PARVA: variants seen among roughly 807,000 people sequenced by gnomAD.
PARVA encodes the protein parvin alpha.
Under a neutral mutation model 52.6 loss-of-function variants are expected in PARVA, and 25 were observed. That is an observed-to-expected ratio of 0.48 (90% confidence interval 0.35 to 0.66). The LOEUF is 0.66. Among genes scored for constraint, PARVA ranks in the 30% least tolerant of loss-of-function variants. The probability of loss-of-function intolerance (pLI) is 0.01; values close to 1 mark genes in which losing one functional copy is unlikely to be tolerated. For missense variants in PARVA, 373 were observed against 450.9 expected, an observed-to-expected ratio of 0.83 and a Z score of 1.56; for synonymous variants, 185 against 179.1, an observed-to-expected ratio of 1.03 and a Z score of -0.26.
intron 1 of PARVA, among the ~76,000 whole-genome samples, chr11:12,386,582 C>T (rs533166259): frequency 6.6e-6 from 1 of 152,260 alleles, no homozygotes; most frequent in South Asian, 2.1e-4. Context: ...CTCTTGCCTA[C>T]CATAATATCA....
At chr11:12,448,596 C>G (rs938904520) in intron 1 of PARVA, among the ~76,000 whole-genome samples, 1 of 152,188 alleles carries the variant, frequency 6.6e-6, no homozygotes, top group Non-Finnish European at 1.5e-5. Flanking sequence ...TGGATTAGAA[C>G]TGTCGTTTAT....
At chr11:12,417,975 GC>G (rs1340512525) in intron 1 of PARVA, among the ~76,000 whole-genome samples, 1 of 152,206 alleles carries the variant, frequency 6.6e-6, no homozygotes, top group African/African-American at 2.4e-5. Flanking sequence ...GATGCAGAGT[GC>G]CTGTAGGCCA....
chr11:12,459,406 A>G lies in PARVA; in HGVS notation c.137-14339A>G, dbSNP rs933921. 7.6e-3 allele frequency among the ~76,000 whole-genome samples: 1,144 copies of G among 150,860 alleles called. 15 individuals carry two copies. Among genetic ancestry groups the G allele is most frequent in the African/African-American group, 0.022 (927 of 41,256 alleles). On this transcript the variant is annotated intron_variant, in intron 1 of 12. Transcript: ENST00000334956. Reference sequence around the variant, plus strand: ...GGTAACAGAGAGAGACCCTGTCTCAAAAAAAAAAGAAAAAGAGAAGAAAGA... The same window carrying G: ...GGTAACAGAGAGAGACCCTGTCTCAGAAAAAAAAGAAAAAGAGAAGAAAGA...
intron 4 of PARVA, among the ~76,000 whole-genome samples, chr11:12,487,140 G>A (rs1248755314): frequency 6.6e-6 from 1 of 152,182 alleles, no homozygotes; most frequent in African/African-American, 2.4e-5. Flanking sequence ...AGGGAGAGTA[G>A]CTAGAGTAAA....
At chr11:12,502,390 G>T (rs1941373491) in intron 5 of PARVA, among the ~76,000 whole-genome samples, 1 of 151,636 alleles carries the variant, frequency 6.6e-6, no homozygotes, top group South Asian at 2.1e-4. Flanking sequence ...CCTAGTGCAT[G>T]CGAAGTACAC....
chr11:12,458,200 G>A (rs936792735), intron 1 of PARVA, among the ~76,000 whole-genome samples: 4 of 152,200 alleles, frequency 2.6e-5, no homozygotes, highest in East Asian at 1.9e-4. Flanking sequence ...CTTCAGCCCC[G>A]TTCCCAGGAA....
chr11:12,438,045 T>G (rs1173406903), intron 1 of PARVA, among the ~76,000 whole-genome samples: 4 of 151,958 alleles, frequency 2.6e-5, no homozygotes, highest in Admixed American at 1.3e-4. Context: ...TGGATCACGA[T>G]GTCAGGAGAT....
At chr11:12,382,794 C>T (rs1258264420) in intron 1 of PARVA, among the ~76,000 whole-genome samples, 1 of 152,196 alleles carries the variant, frequency 6.6e-6, no homozygotes, top group African/African-American at 2.4e-5. Flanking sequence ...CCCTGTAAGC[C>T]TCTGTGTCTT....
intron 12 of PARVA, among the ~76,000 whole-genome samples, chr11:12,518,858 C>A (rs1052610171): frequency 6.6e-6 from 1 of 152,192 alleles, no homozygotes; most frequent in Non-Finnish European, 1.5e-5. Context: ...CCCCGCCAGT[C>A]GGGGTGAAGG....
intron 1 of PARVA, among the ~76,000 whole-genome samples, chr11:12,435,856 C>T (rs1330411704): frequency 3.3e-5 from 5 of 152,076 alleles, no homozygotes; most frequent in Admixed American, 6.6e-5. Context: ...CTTGCTTTGT[C>T]GCCCAGGCTG....
chr11:12,405,144 GAAA>G (rs1402996860), intron 1 of PARVA, among the ~76,000 whole-genome samples: 1 of 152,018 alleles, frequency 6.6e-6, no homozygotes, highest in African/African-American at 2.4e-5. Context: ...TTCTGGGCAA[GAAA>G]AAAGAGTCCA....
chr11:12,513,723 A>T (rs1310744773), intron 9 of PARVA: 1 of 587,748 alleles, frequency 1.7e-6, no homozygotes, highest in Non-Finnish European at 3.1e-6. Context: ...CCCCACCCAG[A>T]CACTGGCTCA....
At chr11:12,442,868 T>G (rs1205191200) in intron 1 of PARVA, among the ~76,000 whole-genome samples, 1 of 9,620 alleles carries the variant, frequency 1.0e-4, no homozygotes, top group Non-Finnish European at 3.2e-3. Flanking sequence ...CTTGACTTCC[T>G]TTTTTTTTTT....
chr11:12,390,439 C>G (rs1939642776), intron 1 of PARVA, among the ~76,000 whole-genome samples: 1 of 152,146 alleles, frequency 6.6e-6, no homozygotes, highest in Admixed American at 6.5e-5. Context: ...CTTGGCATCT[C>G]TTGAGTGCCT....
intron 1 of PARVA, among the ~76,000 whole-genome samples, chr11:12,380,177 C>T (rs192186281): frequency 2.0e-5 from 3 of 151,514 alleles, no homozygotes; most frequent in Admixed American, 6.6e-5. Context: ...AGACAGGGTC[C>T]CTGCAGGAAA....
upstream of PARVA, chr11:12,377,356 A>T: frequency 7.9e-7 from 1 of 1,262,386 alleles, no homozygotes; most frequent in Non-Finnish European, 1.0e-6. Flanking sequence ...CTGGGCACAC[A>T]CGTCCTCCTG....
In PARVA at chr11:12,530,916, C is replaced by T. The variant is rs1382018060; in HGVS notation, c.*2991C>T. ...TAGACAATGATTTCAAAAGTAGAGT[C>T]TAAAACCTATGGGGTGCAGGACCAG... On this transcript the variant is annotated 3_prime_UTR_variant, in exon 13 of 13. Coordinates refer to ENST00000334956, the MANE Select transcript of PARVA (RefSeq NM_018222.5). 6.6e-6 allele frequency: 1 copy of T among 152,180 alleles called. No homozygotes were observed. Among genetic ancestry groups the T allele is most frequent in the Non-Finnish European group, 1.5e-5 (1 of 68,034 alleles). 9.4% of individuals were successfully genotyped at this position (152,180 alleles called of 1,614,324 possible). A position where few individuals can be genotyped will look rare whatever the true frequency, so the allele number is the denominator to read the frequency against.
chr11:12,472,283 G>T (rs149734347), intron 1 of PARVA, among the ~76,000 whole-genome samples: 4 of 152,298 alleles, frequency 2.6e-5, no homozygotes, highest in Admixed American at 6.5e-5. Flanking sequence ...TTTGTGTTGG[G>T]CTGCATTCAA....
In PARVA at chr11:12,530,845, G is replaced by C. The variant is rs978490573; in HGVS notation, c.*2920G>C. The C allele has an allele frequency of 6.6e-6, 1 of 152,010 alleles. No homozygotes were observed. The highest frequency in any genetic ancestry group is 1.5e-5 in the Non-Finnish European group (1 of 68,004). The allele number at this position is 152,010 out of a possible 1,614,324, so 9.4% of individuals were successfully genotyped here. On this transcript the variant is annotated 3_prime_UTR_variant, in exon 13 of 13. Coordinates refer to ENST00000334956, the MANE Select transcript of PARVA (RefSeq NM_018222.5). ...CCAAATGCGTATCTCCAGTCTGCTC[G>C]AGCTAGGAAAGGAAAAAAGCCCTAG...
Sources: gnomAD v4.1 joint callset for allele counts (sites outside exome capture counted in the v4.1 genomes callset) on GRCh38, gnomAD v4.1.1 for gene constraint, MANE v1.5 for transcripts, NCBI Gene and HGNC (gene_info 2026-07-23, HGNC 2026-07-21) for gene names.